Variants in FKBP15 observed in about 807,000 individuals in gnomAD.
FKBP15 encodes the protein FK506-binding protein 15.
A neutral mutation model predicts 158.1 loss-of-function variants in FKBP15; 106 were observed. That is an observed-to-expected ratio of 0.67 (90% CI 0.57 to 0.79). FKBP15 has a LOEUF of 0.79. Among genes scored for constraint, FKBP15 ranks in the 30% least tolerant of loss-of-function variants. The pLI, the probability that FKBP15 is intolerant of heterozygous loss-of-function variation, is 0.00. For missense variants in FKBP15, 1,287 were observed against 1,479.1 expected (o/e 0.87, Z 2.13); for synonymous variants, 547 against 548.6 (o/e 1.00, Z 0.04).
chr9:113,217,914 A>G (rs1038662606), intron 1 of FKBP15, among the ~76,000 whole-genome samples: 2 of 152,166 alleles, frequency 1.3e-5, no homozygotes, highest in African/African-American at 4.8e-5. Flanking sequence ...TCAAATGTAC[A>G]CAATCTCCCT....
At chr9:113,213,606 A>C (rs1831060906) in intron 1 of FKBP15, among the ~76,000 whole-genome samples, 1 of 151,322 alleles carries the variant, frequency 6.6e-6, no homozygotes, top group African/African-American at 2.4e-5. Flanking sequence ...GGATTACTAG[A>C]TTATCATAAA....
rs10759630 is a variant in FKBP15 at position 113,215,646 on chromosome 9, T to A, written c.54-4054A>T. The stretch of plus-strand genomic sequence containing the variant: ...TGTGTATATATATATATATATATAT[T>A]TTTTTTTTTTTTTTTTTTTTTGAGA... On this transcript the variant is annotated intron_variant, in intron 1 of 27. Coordinates refer to ENST00000238256, the MANE Select transcript of FKBP15 (RefSeq NM_015258.2). Among the ~76,000 whole-genome samples the A allele has an allele frequency of 6.9e-3, 302 of 43,500 alleles. 2 individuals are homozygous for A. The highest frequency in any genetic ancestry group is 0.031 in the East Asian group (92 of 2,972). The allele number at this position is 43,500 out of a possible 152,430, so 28.5% of individuals were successfully genotyped here.
intron 19 of FKBP15, 34 bp from the exon 20 acceptor site, chr9:113,178,835 CA>C (rs918514946): frequency 6.4e-7 from 1 of 1,563,562 alleles, no homozygotes; most frequent in Non-Finnish European, 8.7e-7. Flanking sequence ...TCACTTTAAA[CA>C]TAGGTGTTCT....
intron 8 of FKBP15, among the ~76,000 whole-genome samples, chr9:113,197,457 C>T (rs1830708391): frequency 6.6e-6 from 1 of 152,126 alleles, no homozygotes; most frequent in Non-Finnish European, 1.5e-5. Flanking sequence ...CACCTGAGGT[C>T]AGGGGTTCGA....
chr9:113,196,404 GAC>G (rs1830684837), intron 9 of FKBP15, among the ~76,000 whole-genome samples: 1 of 125,050 alleles, frequency 8.0e-6, no homozygotes, highest in Non-Finnish European at 1.6e-5. Flanking sequence ...TTTTTTTTGA[GAC>G]AGAGTCTTGC....
chr9:113,190,084 T>C (rs1413024652), intron 12 of FKBP15, among the ~76,000 whole-genome samples: 1 of 152,212 alleles, frequency 6.6e-6, no homozygotes, highest in Non-Finnish European at 1.5e-5. Flanking sequence ...GCTTTAGTGA[T>C]AGGCAACATC....
rs1346554329 is a variant in FKBP15, at chr9:113,184,353, G to C, written c.1655C>G (p.Pro552Arg). 8 of 1,607,378 alleles carry C rather than the reference G, an allele frequency of 5.0e-6. No individual in the cohort carries two copies. Among genetic ancestry groups the C allele is most frequent in the Non-Finnish European group, 6.8e-6 (8 of 1,176,704 alleles). ...TGTTTCCATTGTAACTGACATGCTA[G>C]GAATAAGCATGGAATTGCCAGCACT... is the stretch of plus-strand genomic sequence containing the variant. ...KHSAGNSMLI[P>R]SMSVTMETSM... Residue 552 changes from proline to arginine, a missense_variant, in exon 17 of 28, where the codon CCT becomes CGT. Coordinates refer to ENST00000238256, the MANE Select transcript of FKBP15 (RefSeq NM_015258.2). The surrounding 1 kb of genome is among the most constrained non-coding windows in gnomAD (Gnocchi z 4.5).
intron 23 of FKBP15, among the ~76,000 whole-genome samples, chr9:113,172,562 C>A (rs1480657187): frequency 6.6e-6 from 1 of 152,150 alleles, no homozygotes; most frequent in African/African-American, 2.4e-5. Flanking sequence ...ACTCCCTCAG[C>A]CCCCACCCAC....
intron 4 of FKBP15, chr9:113,206,249 A>G: frequency 3.9e-6 from 2 of 508,874 alleles, no homozygotes; most frequent in Non-Finnish European, 7.0e-6. Flanking sequence ...CAAACAAACA[A>G]AAAAATGCCC....
chr9:113,192,016 TA>T (rs1049076419), intron 11 of FKBP15, among the ~76,000 whole-genome samples: 3 of 145,384 alleles, frequency 2.1e-5, no homozygotes, highest in East Asian at 2.0e-4. Flanking sequence ...TTGCCTCCAT[TA>T]AAAAAAACAA....
At chr9:113,207,018 C>A in intron 3 of FKBP15, 194 bp downstream of exon 3, 1 of 560,034 alleles carries the variant, frequency 1.8e-6, no homozygotes, top group Middle Eastern at 5.0e-4. Flanking sequence ...TCCCTAAAGA[C>A]AGTAGACAAG....
In FKBP15 at chr9:113,161,525, G is replaced by A. The variant is rs138093952; in HGVS notation, c.*4553C>T. On this transcript the variant is annotated 3_prime_UTR_variant, in exon 28 of 28. Coordinates refer to ENST00000238256, the MANE Select transcript of FKBP15 (RefSeq NM_015258.2). ...CTTTGACAGGCATGGCCCTTTCGGT[G>A]TTGGTGCTCCTGCTTCTGGCTGTAC... is the stretch of plus-strand genomic sequence containing the variant. 6.0e-5 allele frequency: 97 copies of A among 1,614,016 alleles called. No individual in the cohort carries two copies. The African/African-American group carries it at 8.9e-4, about 15-fold the overall frequency.
chr9:113,202,418 G>T, intron 6 of FKBP15, 113 bp downstream of exon 6: 1 of 708,546 alleles, frequency 1.4e-6, no homozygotes, highest in African/African-American at 1.8e-5. Flanking sequence ...GGTTTTTTAT[G>T]CTAGTCACTA....
chr9:113,193,513 A>G lies in FKBP15; in HGVS notation c.1044T>C (p.Ser348=). The change falls in exon 11 of 28, where the codon AGT becomes AGC. Residue 348 remains serine (S), a synonymous_variant. Transcript: ENST00000238256. ...TTACTGTATTTATTGCAAGTTGTTC[A>G]CTGAGGGAGTTAGATTTGGTACGAA... ...PALRTKSNSL[S]EQLAINTSPD... 1 of 1,598,674 alleles carries G rather than the reference A, an allele frequency of 6.3e-7. No homozygotes were observed. The highest frequency in any genetic ancestry group is 1.3e-5 in the African/African-American group (1 of 74,870).
At chr9:113,204,490 A>G (rs1830851832) in intron 4 of FKBP15, among the ~76,000 whole-genome samples, 2 of 152,234 alleles carry the variant, frequency 1.3e-5, no homozygotes, top group Non-Finnish European at 2.9e-5. Flanking sequence ...CTGAAAATTT[A>G]TTTTGCCTTC....
chr9:113,198,785 C>A lies in FKBP15; in HGVS notation c.717+70G>T. ...AAAAATAAAATAAAAAAAGGAATTCCACAAAATTTAATCTAAGTTAAACCC... is the reference window on the plus strand; with the variant it reads ...AAAAATAAAATAAAAAAAGGAATTCAACAAAATTTAATCTAAGTTAAACCC... On this transcript the variant is annotated intron_variant, in intron 8 of 27. Coordinates refer to ENST00000238256, the MANE Select transcript of FKBP15 (RefSeq NM_015258.2). The surrounding 1 kb of genome is among the most constrained non-coding windows in gnomAD (Gnocchi z 5.2). The A allele has an allele frequency of 9.5e-7, 1 of 1,054,136 alleles. No individual in the cohort carries two copies. The highest frequency in any genetic ancestry group is 1.6e-5 in the South Asian group (1 of 62,458). 65.3% of individuals were successfully genotyped at this position (1,054,136 alleles called of 1,614,324 possible). A position where few individuals can be genotyped will look rare whatever the true frequency, so the allele number is the denominator to read the frequency against.
intron 21 of FKBP15, 57 bp from the exon 22 acceptor site, chr9:113,174,640 A>T: frequency 6.5e-7 from 1 of 1,531,318 alleles, no homozygotes; most frequent in South Asian, 1.2e-5. Flanking sequence ...ATAAAGAGGG[A>T]TGATGGCGGT....
Position 113,174,528 on chromosome 9 carries a change from T to C in FKBP15, c.2279A>G (p.Glu760Gly). The C allele has an allele frequency of 6.2e-7, 1 of 1,613,998 alleles. No homozygotes were observed. Among genetic ancestry groups the C allele is most frequent in the Non-Finnish European group, 8.5e-7 (1 of 1,179,892 alleles). Residue 760 changes from glutamate to glycine, a missense_variant, in exon 22 of 28, where the codon GAG (glutamate) becomes GGG (glycine). Glu to Gly is a moderately conservative substitution (Grantham distance 98). Coordinates refer to ENST00000238256, the MANE Select transcript of FKBP15 (RefSeq NM_015258.2). Reference protein sequence around the residue: ...SAQERSQAEEEIDEIRKSYQE... With the variant: ...SAQERSQAEEGIDEIRKSYQE... Reference sequence around the variant, plus strand: ...GTATGACTTGCGAATTTCATCTATCTCCTCCTCGGCCTGAGAACGCTCTTG... The same window carrying C: ...GTATGACTTGCGAATTTCATCTATCCCCTCCTCGGCCTGAGAACGCTCTTG...
rs1250402387 is a variant in FKBP15, at chr9:113,202,745, GA to G, written c.400-117del. 4.8e-6 allele frequency: 4 copies of G among 841,280 alleles called. No homozygotes were observed. In the African/African-American group the frequency reaches 6.8e-5, roughly 14 times the overall value. The allele number at this position is 841,280 out of a possible 1,614,324, so 52.1% of individuals were successfully genotyped here. On this transcript the variant is annotated intron_variant, in intron 5 of 27. Transcript: ENST00000238256. The stretch of plus-strand genomic sequence containing the variant: ...CAGGTGGACCCAAAGGGAACTATCA[GA>G]GATCTTTCTTCTTCCCTCTCACCCT...
Sources: allele counts gnomAD v4.1 joint callset (sites outside exome capture counted in the v4.1 genomes callset), GRCh38; gene constraint gnomAD v4.1.1; non-coding constraint Gnocchi (gnomAD v3.1); transcripts MANE v1.5; gene names NCBI Gene and HGNC (gene_info 2026-07-23, HGNC 2026-07-21).